The following UBE2E2 variants were observed in gnomAD, a reference collection of about 807,000 sequenced individuals.
UBE2E2 encodes ubiquitin-conjugating enzyme E2 E2.
A neutral mutation model predicts 24.7 loss-of-function variants in UBE2E2; 6 were observed. The observed-to-expected ratio is 0.24, with a 90% CI of 0.13 to 0.48. The LOEUF is 0.48. Ranked by LOEUF, UBE2E2 falls within the 20% of genes least tolerant of loss-of-function variation. The probability of loss-of-function intolerance (pLI) is 0.99; values close to 1 mark genes in which losing one functional copy is unlikely to be tolerated. For synonymous variants in UBE2E2, 104 were observed against 83.6 expected, an observed-to-expected ratio of 1.24 and a Z score of -1.33; for missense variants, 169 against 245.0, an observed-to-expected ratio of 0.69 and a Z score of 2.07.
intron 3 of UBE2E2, among the ~76,000 whole-genome samples, chr3:23,334,340 A>G (rs1050271758): frequency 4.6e-5 from 7 of 152,068 alleles, no homozygotes; most frequent in African/African-American, 7.2e-5. Context: ...CTTTCAAGAA[A>G]TCTCTTTGTC....
At chr3:23,228,095 T>G (rs545946595) in intron 3 of UBE2E2, among the ~76,000 whole-genome samples, 2 of 152,326 alleles carry the variant, frequency 1.3e-5, no homozygotes, top group Admixed American at 6.5e-5. Context: ...CTCAATAAAA[T>G]CACCATGAGA....
At chr3:23,498,354 T>G (rs1233861302) in intron 3 of UBE2E2, among the ~76,000 whole-genome samples, 1 of 152,188 alleles carries the variant, frequency 6.6e-6, no homozygotes, top group Non-Finnish European at 1.5e-5. Flanking sequence ...CTTTTCCTAG[T>G]CCCATCAGTT....
intron 3 of UBE2E2, among the ~76,000 whole-genome samples, chr3:23,264,963 T>A (rs1698006209): frequency 6.6e-6 from 1 of 152,168 alleles, no homozygotes; most frequent in East Asian, 1.9e-4. Context: ...TTCACTACAT[T>A]TCCAGACAAG....
chr3:23,372,603 T>C (rs73039900), intron 3 of UBE2E2, among the ~76,000 whole-genome samples: 4 of 152,332 alleles, frequency 2.6e-5, no homozygotes, highest in Non-Finnish European at 5.9e-5. Flanking sequence ...GTCTGTACAG[T>C]GAAAGACTGT....
intron 3 of UBE2E2, among the ~76,000 whole-genome samples, chr3:23,379,347 A>G (rs1039377287): frequency 1.5e-4 from 22 of 149,444 alleles, no homozygotes; most frequent in Admixed American, 1.3e-3. Context: ...GCACCCACTA[A>G]CTCGTCATCT....
At chr3:23,332,667 C>T (rs1695088984) in intron 3 of UBE2E2, among the ~76,000 whole-genome samples, 1 of 93,010 alleles carries the variant, frequency 1.1e-5, no homozygotes, top group Non-Finnish European at 2.3e-5. Flanking sequence ...TTCCTGGCAG[C>T]CAGTGGGGTG....
intron 3 of UBE2E2, among the ~76,000 whole-genome samples, chr3:23,379,363 T>C (rs374063702): frequency 4.2e-4 from 63 of 151,106 alleles, no homozygotes; most frequent in Non-Finnish European, 8.8e-4. Context: ...CATCTAGCAT[T>C]AGGTATATCC....
At chr3:23,315,027 T>C (rs1305455456) in intron 3 of UBE2E2, among the ~76,000 whole-genome samples, 3 of 152,216 alleles carry the variant, frequency 2.0e-5, no homozygotes, top group Non-Finnish European at 4.4e-5. Context: ...ATTAGCCCTT[T>C]GAATAAACTT....
intron 3 of UBE2E2, among the ~76,000 whole-genome samples, chr3:23,329,739 C>T (rs1170090438): frequency 1.3e-5 from 2 of 152,214 alleles, no homozygotes; most frequent in African/African-American, 2.4e-5. Flanking sequence ...CAAATTCCTC[C>T]TGGTCTTCTC....
chr3:23,264,625 T>C (rs1341743378), intron 3 of UBE2E2, among the ~76,000 whole-genome samples: 1 of 152,204 alleles, frequency 6.6e-6, no homozygotes, highest in Non-Finnish European at 1.5e-5. Flanking sequence ...ATCATGATGA[T>C]GTGGCCCAAG....
Position 23,499,504 on chromosome 3 carries a change from T to C in UBE2E2, c.228-104T>C, listed in dbSNP as rs1233993630. The C allele has an allele frequency of 4.3e-6, 6 of 1,396,870 alleles. No homozygotes were observed. In the East Asian group the frequency reaches 9.4e-5, roughly 22 times the overall value. The allele number at this position is 1,396,870 out of a possible 1,614,324, so 86.5% of individuals were successfully genotyped here. On this transcript the variant is annotated intron_variant, in intron 3 of 5. Transcript: ENST00000396703. ...CATGAGAGTTAACTGATTAACTTTT[T>C]GTGTTTTTATGGAATTGCTCAATTG...
At chr3:23,387,636 C>G (rs764441644) in intron 3 of UBE2E2, among the ~76,000 whole-genome samples, 1 of 152,148 alleles carries the variant, frequency 6.6e-6, no homozygotes, top group Non-Finnish European at 1.5e-5. Flanking sequence ...TCTTTACCAT[C>G]TTTAATTATT....
chr3:23,342,982 G>A (rs1490182331), intron 3 of UBE2E2, among the ~76,000 whole-genome samples: 1 of 151,984 alleles, frequency 6.6e-6, no homozygotes, highest in African/African-American at 2.4e-5. Context: ...CTGTGCTGGA[G>A]GAATGGTGCT....
intron 3 of UBE2E2, among the ~76,000 whole-genome samples, chr3:23,377,997 C>T (rs1204659148): frequency 6.6e-6 from 1 of 151,986 alleles, no homozygotes; most frequent in Non-Finnish European, 1.5e-5. Flanking sequence ...ATAATCACCA[C>T]CACTCACAAT....
chr3:23,204,540 A>C, intron 1 of UBE2E2: 2 of 244,622 alleles, frequency 8.2e-6, no homozygotes, highest in Non-Finnish European at 1.3e-5. Context: ...GATATGTGAT[A>C]ATTCAGTCTG....
intron 3 of UBE2E2, among the ~76,000 whole-genome samples, chr3:23,423,321 A>C (rs1212070380): frequency 6.6e-6 from 1 of 152,176 alleles, no homozygotes; most frequent in Non-Finnish European, 1.5e-5. Context: ...TGAAGTAAAG[A>C]TATATTTTTC....
intron 3 of UBE2E2, among the ~76,000 whole-genome samples, chr3:23,401,981 C>T (rs181619034): frequency 2.6e-5 from 4 of 151,642 alleles, no homozygotes; most frequent in East Asian, 3.9e-4. Context: ...CTCAGCCTCC[C>T]GAATAGCTGG....
chr3:23,553,880 T>C (rs1351539931), intron 5 of UBE2E2, among the ~76,000 whole-genome samples: 1 of 151,938 alleles, frequency 6.6e-6, no homozygotes, highest in Non-Finnish European at 1.5e-5. Context: ...TGATAAAACA[T>C]TGATGAAAGA....
chr3:23,222,848 C>T (rs1330847336), intron 3 of UBE2E2, among the ~76,000 whole-genome samples: 1 of 150,576 alleles, frequency 6.6e-6, no homozygotes, highest in Admixed American at 6.6e-5. Flanking sequence ...GTGTACGAGC[C>T]TTCCCCTTTC....
Sources: allele counts gnomAD v4.1 joint callset (sites outside exome capture counted in the v4.1 genomes callset), GRCh38; gene constraint gnomAD v4.1.1; transcripts MANE v1.5; gene names NCBI Gene and HGNC (gene_info 2026-07-23, HGNC 2026-07-21).